DIP2C: variants seen among roughly 807,000 people sequenced by gnomAD.
DIP2C encodes DIP2 acetate--CoA ligase C (putative).
In DIP2C, 33 loss-of-function variants were observed where a neutral mutation model predicts 192.4. The ratio of observed to expected loss-of-function variants is 0.17; its 90% CI spans 0.13 to 0.23. DIP2C has a LOEUF of 0.23. Among genes scored for constraint, DIP2C ranks in the 10% least tolerant of loss-of-function variants. DIP2C has a pLI of 1.00. For missense variants in DIP2C, 1,537 were observed against 2,110.1 expected (o/e 0.73, Z 5.32); for synonymous variants, 979 against 864.1 (o/e 1.13, Z -2.33).
chr10:447,681 A>G (rs1337711881), intron 3 of DIP2C, among the ~76,000 whole-genome samples: 1 of 128,290 alleles, frequency 7.8e-6, no homozygotes, highest in Non-Finnish European at 1.5e-5. Context: ...ATTGATATTC[A>G]GGATCACACA....
chr10:607,125 C>A (rs1852550028), intron 1 of DIP2C, among the ~76,000 whole-genome samples: 1 of 152,202 alleles, frequency 6.6e-6, no homozygotes, highest in Non-Finnish European at 1.5e-5. Flanking sequence ...GCTCTCCTGC[C>A]AAGGAGGATG....
At chr10:447,785 TCA>T (rs1218577271) in intron 3 of DIP2C, among the ~76,000 whole-genome samples, 1 of 113,160 alleles carries the variant, frequency 8.8e-6, no homozygotes, top group Non-Finnish European at 1.6e-5. Flanking sequence ...ATACTCAGGA[TCA>T]CACACAGTGG....
At chr10:595,842 TTAC>T (rs552983664) in intron 1 of DIP2C, among the ~76,000 whole-genome samples, 57 of 152,366 alleles carry the variant, frequency 3.7e-4, no homozygotes, top group Middle Eastern at 3.4e-3. Flanking sequence ...TCAGCCGCAC[TTAC>T]TACTTGTGTC....
intron 1 of DIP2C, among the ~76,000 whole-genome samples, chr10:674,132 C>T (rs934781434): frequency 1.3e-5 from 2 of 152,082 alleles, no homozygotes; most frequent in South Asian, 2.1e-4. Flanking sequence ...AGCAAAATAA[C>T]CCCAAGCACC....
intron 4 of DIP2C, 40 bp downstream of exon 4, chr10:440,831 G>T (rs368665573): frequency 1.9e-6 from 3 of 1,590,728 alleles, no homozygotes; most frequent in South Asian, 1.2e-5. Flanking sequence ...TGAGGTGCCC[G>T]GCACATTCAG....
At chr10:462,817 C>T (rs1366001446) in intron 3 of DIP2C, among the ~76,000 whole-genome samples, 1 of 152,144 alleles carries the variant, frequency 6.6e-6, no homozygotes. Flanking sequence ...GCCGATCCAC[C>T]ATGATCAAAT....
chr10:458,549 G>A (rs1227399215), intron 3 of DIP2C, among the ~76,000 whole-genome samples: 2 of 151,798 alleles, frequency 1.3e-5, no homozygotes, highest in Non-Finnish European at 2.9e-5. Context: ...GTCACCGGCA[G>A]CGTGTGACGG....
chr10:548,078 C>T (rs562405338), intron 1 of DIP2C, among the ~76,000 whole-genome samples: 1 of 152,156 alleles, frequency 6.6e-6, no homozygotes, highest in African/African-American at 2.4e-5. Flanking sequence ...GCCTCATTGG[C>T]TGTGATCAGG....
Sources: gnomAD v4.1 joint callset for allele counts (sites outside exome capture counted in the v4.1 genomes callset) on GRCh38, gnomAD v4.1.1 for gene constraint, MANE v1.5 for transcripts, NCBI Gene and HGNC (gene_info 2026-07-23, HGNC 2026-07-21) for gene names.